Variants in GNAL observed in about 807,000 individuals in gnomAD.
GNAL encodes the protein guanine nucleotide-binding protein G(olf) subunit alpha.
In GNAL, 18 loss-of-function variants were observed where a neutral mutation model predicts 55.1. That is an observed-to-expected ratio of 0.33 (90% CI 0.23 to 0.48). The LOEUF (loss-of-function observed/expected upper bound fraction) is 0.48, where lower values mean the gene tolerates loss of function less well. Ranked by LOEUF, GNAL falls within the 20% of genes least tolerant of loss-of-function variation. The probability of loss-of-function intolerance (pLI) is 0.99; values close to 1 mark genes in which losing one functional copy is unlikely to be tolerated. For missense variants in GNAL, 412 were observed against 614.1 expected (o/e 0.67, Z 3.48); for synonymous variants, 253 against 237.0 (o/e 1.07, Z -0.62).
chr18:11,849,501 CAAAAAAA>C lies in GNAL; in HGVS notation c.723-12880_723-12874del, dbSNP rs71172025. 7.9e-3 allele frequency among the ~76,000 whole-genome samples: 1,029 copies of C among 130,446 alleles called. 8 individuals are homozygous for C. Among genetic ancestry groups the C allele is most frequent in the African/African-American group, 0.029 (912 of 31,076 alleles). The allele number at this position is 130,446 out of a possible 152,430, so 85.6% of individuals were successfully genotyped here. On this transcript the variant is annotated intron_variant, in intron 5 of 11. Transcript: ENST00000334049. ...TGAGTGACAAAGCAAGATTTCATCTCAAAAAAAAAAAAAAAAAAAAGAAAGAAAAGAA... is the reference window on the plus strand; with the variant it reads ...TGAGTGACAAAGCAAGATTTCATCTCAAAAAAAAAAAAAGAAAGAAAAGAA...
At chr18:11,763,350 A>G (rs1344844298) in intron 4 of GNAL, among the ~76,000 whole-genome samples, 1 of 152,158 alleles carries the variant, frequency 6.6e-6, no homozygotes, top group Non-Finnish European at 1.5e-5. Flanking sequence ...GAGGACATCC[A>G]CTTCACTTCT....
Position 11,752,418 on chromosome 18 carries a change from A to G in GNAL, c.377-435A>G, listed in dbSNP as rs990289175. 13 of 1,600,646 alleles carry G rather than the reference A, an allele frequency of 8.1e-6. No homozygotes were observed. Among genetic ancestry groups the G allele is most frequent in the East Asian group, 4.7e-5 (2 of 42,996 alleles). On this transcript the variant is annotated intron_variant, in intron 1 of 11. Coordinates refer to ENST00000334049, the MANE Select transcript of GNAL (RefSeq NM_182978.4). The surrounding 1 kb of genome is among the most constrained non-coding windows in gnomAD (Gnocchi z 4.5). ...GCACATTCCTAACTTCCTGACGTCC[A>G]TCCCAGCGGGCAGGCATGGGGTGTT...
At chr18:11,730,968 T>C (rs2032326502) in intron 1 of GNAL, among the ~76,000 whole-genome samples, 1 of 152,222 alleles carries the variant, frequency 6.6e-6, no homozygotes, top group African/African-American at 2.4e-5. Context: ...AACCCTTGCC[T>C]AGCATGGCCT....
chr18:11,704,719 C>T (rs546579678), intron 1 of GNAL, among the ~76,000 whole-genome samples: 2 of 152,244 alleles, frequency 1.3e-5, no homozygotes, highest in South Asian at 4.2e-4. Context: ...TTGCTCATAC[C>T]CAGAACATTT....
intron 4 of GNAL, among the ~76,000 whole-genome samples, chr18:11,788,914 A>AAAATATATATAT (rs60071996): frequency 5.3e-5 from 3 of 56,298 alleles, no homozygotes; most frequent in East Asian, 7.1e-4. Context: ...AAAAAAAAAA[A>AAAATATATATAT]ATATATATAT....
At chr18:11,775,518 G>T (rs190730908) in intron 4 of GNAL, among the ~76,000 whole-genome samples, 1 of 152,188 alleles carries the variant, frequency 6.6e-6, no homozygotes, top group Non-Finnish European at 1.5e-5. Flanking sequence ...GGGACTTGGC[G>T]CCAGGGCCTA....
In GNAL at chr18:11,861,975, C is replaced by CACACAG. The variant is rs2036154802; in HGVS notation, c.723-415_723-414insGACACA. The stretch of plus-strand genomic sequence containing the variant: ...ATTCACGCAGTCATACACACACACA[C>CACACAG]ACACACACACACACAACATCTGGAT... On this transcript the variant is annotated intron_variant, in intron 5 of 11. Coordinates refer to ENST00000334049, the MANE Select transcript of GNAL (RefSeq NM_182978.4). 4.0e-5 allele frequency among the ~76,000 whole-genome samples: 6 copies of CACACAG among 151,416 alleles called. No homozygotes were observed. The South Asian group carries it at 1.3e-3, about 32-fold the overall frequency.
chr18:11,794,444 T>C (rs890786911), intron 4 of GNAL, among the ~76,000 whole-genome samples: 6 of 152,164 alleles, frequency 3.9e-5, no homozygotes, highest in Non-Finnish European at 7.3e-5. Flanking sequence ...GGATGAACCT[T>C]GAAAACAGTA....
chr18:11,854,060 GGT>G (rs2035945977), intron 5 of GNAL: 1 of 166,712 alleles, frequency 6.0e-6, no homozygotes, highest in South Asian at 2.1e-4. Context: ...CCTGACCTCA[GGT>G]GATCCGCCCA....
chr18:11,786,567 G>GC (rs2034067621), intron 4 of GNAL, among the ~76,000 whole-genome samples: 1 of 135,442 alleles, frequency 7.4e-6, no homozygotes, highest in Admixed American at 8.3e-5. Context: ...TCCTGCCACA[G>GC]CCTCCCAAGT....
At chr18:11,817,444 G>C (rs896139951) in intron 4 of GNAL, among the ~76,000 whole-genome samples, 1 of 152,134 alleles carries the variant, frequency 6.6e-6, no homozygotes, top group Non-Finnish European at 1.5e-5. Context: ...ACATTGCCTG[G>C]GCACTCGGTA....
chr18:11,851,377 A>T, intron 5 of GNAL: 1 of 1,176,948 alleles, frequency 8.5e-7, no homozygotes, highest in Non-Finnish European at 1.1e-6. Flanking sequence ...TGACGTCACC[A>T]CCTGCGCCGC....
At chr18:11,793,908 C>T (rs927214622) in intron 4 of GNAL, among the ~76,000 whole-genome samples, 3 of 132,354 alleles carry the variant, frequency 2.3e-5, no homozygotes, top group South Asian at 2.4e-4. Flanking sequence ...GACTCCATCT[C>T]GGGAAAAAAA....
chr18:11,789,714 C>T (rs2034175493), intron 4 of GNAL, among the ~76,000 whole-genome samples: 1 of 152,184 alleles, frequency 6.6e-6, no homozygotes, highest in Admixed American at 6.5e-5. Context: ...CATTTGCTAC[C>T]AGAATCTGGA....
intron 1 of GNAL, among the ~76,000 whole-genome samples, chr18:11,734,148 C>CTTTT (rs545091797): frequency 7.3e-6 from 1 of 137,190 alleles, no homozygotes; most frequent in Non-Finnish European, 1.6e-5. Flanking sequence ...TTTTCTTTTT[C>CTTTT]TTTTTTTTTT....
chr18:11,761,041 A>T (rs2033224689), intron 4 of GNAL, among the ~76,000 whole-genome samples: 1 of 152,096 alleles, frequency 6.6e-6, no homozygotes, highest in South Asian at 2.1e-4. Context: ...AGTGGAGCAG[A>T]GCTAGCGCCA....
chr18:11,845,682 C>T (rs2035716180), intron 5 of GNAL, among the ~76,000 whole-genome samples: 1 of 150,994 alleles, frequency 6.6e-6, no homozygotes, highest in Admixed American at 6.6e-5. Context: ...AGGTAGCTTG[C>T]GCCACTCCGG....
intron 5 of GNAL, among the ~76,000 whole-genome samples, chr18:11,828,756 A>G (rs897702995): frequency 2.6e-5 from 4 of 152,222 alleles, no homozygotes; most frequent in Admixed American, 1.3e-4. Flanking sequence ...AATCATGGAA[A>G]AAGAAATGGT....
intron 4 of GNAL, among the ~76,000 whole-genome samples, chr18:11,775,760 A>G (rs752149947): frequency 1.5e-4 from 23 of 152,226 alleles, no homozygotes; most frequent in East Asian, 3.9e-4. Context: ...GCAAGATCCT[A>G]TGTCCTCAAG....
Sources: gnomAD v4.1 joint callset for allele counts (sites outside exome capture counted in the v4.1 genomes callset) on GRCh38, gnomAD v4.1.1 for gene constraint, Gnocchi (gnomAD v3.1) non-coding constraint, MANE v1.5 for transcripts, NCBI Gene and HGNC (gene_info 2026-07-23, HGNC 2026-07-21) for gene names.